Variants in TTC29 observed in about 807,000 individuals in gnomAD.
TTC29 encodes the protein tetratricopeptide repeat protein 29.
Under a neutral mutation model 58.1 loss-of-function variants are expected in TTC29, and 49 were observed. The ratio of observed to expected loss-of-function variants is 0.84; its 90% CI spans 0.67 to 1.07. The LOEUF is 1.07. Among genes scored for constraint, TTC29 ranks in the 50% least tolerant of loss-of-function variants. The pLI is 0.00. For missense variants in TTC29, 582 were observed against 555.6 expected, an observed-to-expected ratio of 1.05 and a Z score of -0.48; for synonymous variants, 209 against 196.8, an observed-to-expected ratio of 1.06 and a Z score of -0.52.
intron 11 of TTC29, among the ~76,000 whole-genome samples, chr4:146,756,181 G>A (rs1005192517): frequency 6.6e-6 from 1 of 150,728 alleles, no homozygotes; most frequent in East Asian, 2.0e-4. Context: ...GGCTGAGGAG[G>A]AAAATGGTGT....
chr4:146,782,403 G>C (rs1009126649), intron 11 of TTC29, among the ~76,000 whole-genome samples: 25 of 151,746 alleles, frequency 1.6e-4, no homozygotes, highest in African/African-American at 6.0e-4. Flanking sequence ...ATTATCAAGA[G>C]AAGAATAAAA....
At chr4:146,820,710 C>G (rs1420083372) in intron 9 of TTC29, among the ~76,000 whole-genome samples, 1 of 152,038 alleles carries the variant, frequency 6.6e-6, no homozygotes, top group Non-Finnish European at 1.5e-5. Context: ...TGTTGTATAC[C>G]TACAATGAAA....
At chr4:146,739,557 A>G (rs558453293) in intron 11 of TTC29, among the ~76,000 whole-genome samples, 1 of 152,360 alleles carries the variant, frequency 6.6e-6, no homozygotes, top group Non-Finnish European at 1.5e-5. Flanking sequence ...ATCCTAGCAC[A>G]GGGCTTTTCA....
intron 11 of TTC29, among the ~76,000 whole-genome samples, chr4:146,779,037 C>T (rs1176992793): frequency 7.6e-6 from 1 of 130,850 alleles, no homozygotes. Context: ...TGTTGTAAGA[C>T]TTACGGGCTA....
intron 11 of TTC29, among the ~76,000 whole-genome samples, chr4:146,785,773 A>G (rs1748961713): frequency 1.3e-5 from 2 of 152,198 alleles, no homozygotes; most frequent in Non-Finnish European, 2.9e-5. Context: ...ATAAAAGATG[A>G]CATTTCTATT....
At chr4:146,812,609 A>T (rs1751098675) in intron 10 of TTC29, 1 of 152,200 alleles carries the variant, frequency 6.6e-6, no homozygotes, top group Non-Finnish European at 1.5e-5. Context: ...TTATTCCCTC[A>T]AATTGTACTT....
chr4:146,789,081 A>C (rs1215159782), intron 11 of TTC29, among the ~76,000 whole-genome samples: 1 of 152,200 alleles, frequency 6.6e-6, no homozygotes, highest in Non-Finnish European at 1.5e-5. Flanking sequence ...TACTACTAAG[A>C]AATGTTATCC....
intron 11 of TTC29, among the ~76,000 whole-genome samples, chr4:146,737,850 C>G (rs1012726072): frequency 7.9e-5 from 12 of 152,258 alleles, no homozygotes; most frequent in South Asian, 4.1e-4. Flanking sequence ...TTCCCTCCCC[C>G]CTGATGCAGT....
chr4:146,879,656 C>A (rs115805728), intron 6 of TTC29, among the ~76,000 whole-genome samples: 1,545 of 152,234 alleles, frequency 0.01, 21 homozygotes, highest in African/African-American at 0.036. Context: ...TTTAACACAG[C>A]AGGATCTAGA....
At chr4:146,767,237 C>A (rs568643839) in intron 11 of TTC29, among the ~76,000 whole-genome samples, 2 of 151,908 alleles carry the variant, frequency 1.3e-5, no homozygotes, top group South Asian at 4.2e-4. Context: ...CTGGTTCTAC[C>A]ATCTTCTGCC....
intron 7 of TTC29, among the ~76,000 whole-genome samples, chr4:146,871,428 A>G (rs1437033219): frequency 6.6e-6 from 1 of 151,980 alleles, no homozygotes; most frequent in Non-Finnish European, 1.5e-5. Flanking sequence ...CAGATAAATT[A>G]GGCAAGAAAA....
intron 4 of TTC29, among the ~76,000 whole-genome samples, chr4:146,925,932 C>T (rs1734901013): frequency 6.6e-6 from 1 of 152,104 alleles, no homozygotes; most frequent in Non-Finnish European, 1.5e-5. Context: ...TTTTCTACTG[C>T]ATTGCTTCTG....
At chr4:146,886,536 AC>A (rs1254911179) in intron 6 of TTC29, among the ~76,000 whole-genome samples, 2 of 152,168 alleles carry the variant, frequency 1.3e-5, no homozygotes, top group Non-Finnish European at 2.9e-5. Flanking sequence ...ATTGAACACG[AC>A]ATGGGAAGCG....
At chr4:146,890,413 G>C (rs1480108066) in intron 6 of TTC29, among the ~76,000 whole-genome samples, 1 of 152,188 alleles carries the variant, frequency 6.6e-6, no homozygotes, top group Admixed American at 6.6e-5. Flanking sequence ...AGCAGGGCGA[G>C]GCATGGGGAG....
chr4:146,844,822 T>A (rs778011737), intron 8 of TTC29, among the ~76,000 whole-genome samples: 2 of 152,204 alleles, frequency 1.3e-5, no homozygotes, highest in South Asian at 4.1e-4. Flanking sequence ...CTGTGCAATG[T>A]AAGATTAAAG....
intron 11 of TTC29, among the ~76,000 whole-genome samples, chr4:146,789,718 G>GT (rs767670777): frequency 3.3e-5 from 5 of 151,740 alleles, no homozygotes; most frequent in Non-Finnish European, 5.9e-5. Context: ...AGTAAGTTCT[G>GT]TTTTGTCAAA....
At chr4:146,894,121 G>A (rs1732586599) in intron 6 of TTC29, among the ~76,000 whole-genome samples, 2 of 152,170 alleles carry the variant, frequency 1.3e-5, no homozygotes, top group South Asian at 4.1e-4. Context: ...AGTCAATATG[G>A]CGATTCCTCA....
At chr4:146,918,448 T>G (rs1357230820) in intron 4 of TTC29, among the ~76,000 whole-genome samples, 2 of 151,210 alleles carry the variant, frequency 1.3e-5, no homozygotes, top group Admixed American at 1.3e-4. Flanking sequence ...TTAGAAGTTA[T>G]GAAATATTTG....
At chr4:146,906,236 T>C (rs1368937247) in intron 5 of TTC29, among the ~76,000 whole-genome samples, 1 of 152,188 alleles carries the variant, frequency 6.6e-6, no homozygotes, top group East Asian at 1.9e-4. Context: ...ATGATTGGCT[T>C]ACTTTAAACA....
Sources: gnomAD v4.1 joint callset for allele counts (sites outside exome capture counted in the v4.1 genomes callset) on GRCh38, gnomAD v4.1.1 for gene constraint, MANE v1.5 for transcripts, NCBI Gene and HGNC (gene_info 2026-07-23, HGNC 2026-07-21) for gene names.